THSD4: variants seen among roughly 807,000 people sequenced by gnomAD.
The protein encoded by THSD4 is thrombospondin type-1 domain-containing protein 4.
In THSD4, 69 loss-of-function variants were observed where a neutral mutation model predicts 119.0. The ratio of observed to expected loss-of-function variants is 0.58; its 90% CI spans 0.48 to 0.71. THSD4 has a LOEUF of 0.71. Among genes scored for constraint, THSD4 ranks in the 30% least tolerant of loss-of-function variants. The pLI is 0.00. For synonymous variants in THSD4, 524 were observed against 540.4 expected (o/e 0.97, Z 0.42); for missense variants, 1,393 against 1,391.1 (o/e 1.00, Z -0.02).
At chr15:71,688,262 A>G (rs1012384177) in intron 8 of THSD4, among the ~76,000 whole-genome samples, 25 of 152,330 alleles carry the variant, frequency 1.6e-4, no homozygotes, top group Admixed American at 4.6e-4. Context: ...TAATTTTTCT[A>G]TAGTTCCCAA....
At chr15:71,300,406 G>T (rs1596323251) in intron 6 of THSD4, among the ~76,000 whole-genome samples, 1 of 152,114 alleles carries the variant, frequency 6.6e-6, no homozygotes, top group African/African-American at 2.4e-5. Flanking sequence ...TTCTCTTCTG[G>T]TTAGGTTTTC....
At chr15:71,132,010 A>G (rs1451898981) in intron 1 of THSD4, among the ~76,000 whole-genome samples, 4 of 152,246 alleles carry the variant, frequency 2.6e-5, no homozygotes, top group Non-Finnish European at 5.9e-5. Flanking sequence ...TACTATGTTA[A>G]GCCATTCACA....
chr15:71,157,632 C>T (rs574273259), intron 3 of THSD4, among the ~76,000 whole-genome samples: 114 of 151,270 alleles, frequency 7.5e-4, no homozygotes, highest in Non-Finnish European at 1.3e-3. Flanking sequence ...CCCTCTTCTC[C>T]TCAGTCTCTG....
intron 7 of THSD4, among the ~76,000 whole-genome samples, chr15:71,538,395 TC>T (rs66508415): frequency 0.27 from 40,726 of 152,128 alleles, 6,192 homozygotes; most frequent in East Asian, 0.63. Context: ...GCACACGAAA[TC>T]CCTCTACATG....
intron 7 of THSD4, among the ~76,000 whole-genome samples, chr15:71,533,149 G>A (rs1395527304): frequency 6.6e-6 from 1 of 152,194 alleles, no homozygotes; most frequent in African/African-American, 2.4e-5. Flanking sequence ...TGGGTTGCCC[G>A]TGGGGCAAAT....
intron 11 of THSD4, 133 bp from the exon 12 acceptor site, chr15:71,744,973 C>A: frequency 8.8e-7 from 1 of 1,130,954 alleles, no homozygotes; most frequent in Non-Finnish European, 1.2e-6. Flanking sequence ...CGTAAGTGTG[C>A]ATGCATGTGT....
In THSD4 at chr15:71,699,338, A is replaced by G. The variant is rs866412529; in HGVS notation, c.1358-29211A>G. Among the ~76,000 whole-genome samples, 94 of 69,638 alleles carry G rather than the reference A, an allele frequency of 1.3e-3. 24 individuals are homozygous for G. The highest frequency in any genetic ancestry group is 0.011 in the Admixed American group (80 of 7,254). The allele number at this position is 69,638 out of a possible 152,430, so 45.7% of individuals were successfully genotyped here. On this transcript the variant is annotated intron_variant, in intron 8 of 17. Transcript: ENST00000261862. ...CGCCATTCTCCTGCCTCAGCCTCCCAAGTAGCTGGGACTACAGGCGCCCGC... is the reference window on the plus strand; with the variant it reads ...CGCCATTCTCCTGCCTCAGCCTCCCGAGTAGCTGGGACTACAGGCGCCCGC...
intron 7 of THSD4, among the ~76,000 whole-genome samples, chr15:71,561,485 A>G (rs2049116197): frequency 6.6e-6 from 1 of 152,202 alleles, no homozygotes; most frequent in Admixed American, 6.5e-5. Flanking sequence ...GTATTTGTCC[A>G]ACTGAAGTAG....
In THSD4 at chr15:71,635,512, A is replaced by G. The variant is rs547360500; in HGVS notation, c.1153-25018A>G. Among the ~76,000 whole-genome samples the G allele has an allele frequency of 4.9e-4, 74 of 152,330 alleles. No individual in the cohort carries two copies. The South Asian group carries it at 0.014, about 28-fold the overall frequency. On this transcript the variant is annotated intron_variant, in intron 7 of 17. Transcript: ENST00000261862. ...AGAAAAAAGTGGACCAATTTACAGT[A>G]GTGACTTTGCTAAAAGGCTGAAAAG...
At chr15:71,309,857 C>T (rs1043109275) in intron 6 of THSD4, among the ~76,000 whole-genome samples, 1 of 152,154 alleles carries the variant, frequency 6.6e-6, no homozygotes, top group Non-Finnish European at 1.5e-5. Flanking sequence ...GCATGCAGGC[C>T]GTGTTACACA....
At chr15:71,442,662 A>ATGTATGTG (rs1293956011) in intron 7 of THSD4, among the ~76,000 whole-genome samples, 2 of 36,048 alleles carry the variant, frequency 5.5e-5, no homozygotes, top group Admixed American at 3.2e-4. Flanking sequence ...GTGTGTGTGT[A>ATGTATGTG]TATATATATA....
At chr15:71,547,571 A>G (rs2048856772) in intron 7 of THSD4, 2 of 1,462,124 alleles carry the variant, frequency 1.4e-6, no homozygotes, top group Admixed American at 2.2e-5. Context: ...CAGGGAATGG[A>G]ATTTTATGGG....
chr15:71,151,161 G>C (rs2040718897), intron 2 of THSD4, among the ~76,000 whole-genome samples: 1 of 152,174 alleles, frequency 6.6e-6, no homozygotes, highest in African/African-American at 2.4e-5. Flanking sequence ...GTGAGGGAAC[G>C]AGTAGAATTG....
intron 7 of THSD4, among the ~76,000 whole-genome samples, chr15:71,441,418 T>TTTTTTTTA (rs2047087398): frequency 2.4e-4 from 14 of 59,156 alleles, no homozygotes; most frequent in South Asian, 1.1e-3. Flanking sequence ...TTTTTTTTTT[T>TTTTTTTTA]GAGATGGAGT....
chr15:71,377,547 G>T (rs1050169385), intron 6 of THSD4, among the ~76,000 whole-genome samples: 4 of 152,046 alleles, frequency 2.6e-5, no homozygotes, highest in Non-Finnish European at 5.9e-5. Flanking sequence ...GATGCAAAGG[G>T]ACAAGAGGAC....
intron 6 of THSD4, among the ~76,000 whole-genome samples, chr15:71,328,641 T>C (rs879914332): frequency 3.9e-5 from 6 of 152,226 alleles, no homozygotes; most frequent in Non-Finnish European, 7.3e-5. Flanking sequence ...TGGAACTTTT[T>C]TTAGACTCTG....
intron 7 of THSD4, among the ~76,000 whole-genome samples, chr15:71,642,571 C>T (rs1190252166): frequency 6.6e-6 from 1 of 152,142 alleles, no homozygotes; most frequent in Non-Finnish European, 1.5e-5. Context: ...CAATGATAGA[C>T]TGGATTAAGA....
intron 8 of THSD4, among the ~76,000 whole-genome samples, chr15:71,662,611 G>A (rs1356187482): frequency 6.6e-6 from 1 of 152,068 alleles, no homozygotes. Flanking sequence ...CCTGGCTATA[G>A]TTAGTTGTAT....
intron 8 of THSD4, among the ~76,000 whole-genome samples, chr15:71,693,655 C>T (rs1398753572): frequency 1.3e-5 from 2 of 152,072 alleles, no homozygotes; most frequent in East Asian, 3.9e-4. Context: ...ATTGTAGCTC[C>T]CATAATTCCC....
Sources: allele counts gnomAD v4.1 joint callset (sites outside exome capture counted in the v4.1 genomes callset), GRCh38; gene constraint gnomAD v4.1.1; transcripts MANE v1.5; gene names NCBI Gene and HGNC (gene_info 2026-07-23, HGNC 2026-07-21).